PLXNA2: variants seen among roughly 807,000 people sequenced by gnomAD.
PLXNA2 encodes the protein plexin-A2.
Under a neutral mutation model 193.5 loss-of-function variants are expected in PLXNA2, and 91 were observed. The ratio of observed to expected loss-of-function variants is 0.47; its 90% CI spans 0.40 to 0.56. The LOEUF (loss-of-function observed/expected upper bound fraction) is 0.56. Among genes scored for constraint, PLXNA2 ranks in the 20% least tolerant of loss-of-function variants. PLXNA2 has a pLI of 0.00. For synonymous variants in PLXNA2, 997 were observed against 1,027.3 expected, an observed-to-expected ratio of 0.97 and a Z score of 0.56; for missense variants, 1,995 against 2,503.2, an observed-to-expected ratio of 0.80 and a Z score of 4.33.
At chr1:208,193,270 G>C (rs1670245805) in intron 3 of PLXNA2, among the ~76,000 whole-genome samples, 1 of 152,228 alleles carries the variant, frequency 6.6e-6, no homozygotes, top group African/African-American at 2.4e-5. Flanking sequence ...CATGACAAGG[G>C]CATTGGTGTT....
chr1:208,138,789 G>A (rs562515059), intron 4 of PLXNA2, among the ~76,000 whole-genome samples: 23 of 152,348 alleles, frequency 1.5e-4, no homozygotes, highest in African/African-American at 5.3e-4. Context: ...CACTTTGGGA[G>A]GCCAAGGCAG....
chr1:208,112,838 T>TAAA (rs952294205), intron 4 of PLXNA2, among the ~76,000 whole-genome samples: 3 of 151,848 alleles, frequency 2.0e-5, no homozygotes, highest in Admixed American at 1.3e-4. Flanking sequence ...AGGATAGAGG[T>TAAA]AAAACTTGGG....
rs1664322896 is a variant in PLXNA2 at position 208,025,701 on chromosome 1, G to T, written c.*1542C>A. 6.6e-6 allele frequency: 1 copy of T among 152,256 alleles called. No homozygotes were observed. Among genetic ancestry groups the T allele is most frequent in the Admixed American group, 6.5e-5 (1 of 15,276 alleles). 9.4% of individuals were successfully genotyped at this position (152,256 alleles called of 1,614,324 possible). On this transcript the variant is annotated 3_prime_UTR_variant, in exon 32 of 32. Transcript: ENST00000367033. ...CCTTTCCTCTCGATGACTCCCACTG[G>T]CTTCTATGGGGCCTTTGGACCTGGG... is the stretch of plus-strand genomic sequence containing the variant.
intron 4 of PLXNA2, among the ~76,000 whole-genome samples, chr1:208,103,745 C>A (rs1197228864): frequency 6.6e-6 from 1 of 152,250 alleles, no homozygotes; most frequent in African/African-American, 2.4e-5. Context: ...AATATACCAC[C>A]TGGATCCAAT....
chr1:208,236,346 G>A lies in PLXNA2; in HGVS notation c.-81+7297C>T, dbSNP rs555181329. On this transcript the variant is annotated intron_variant, in intron 1 of 31. Coordinates refer to ENST00000367033, the MANE Select transcript of PLXNA2 (RefSeq NM_025179.4). This position sits in a 1 kb window ranked among gnomAD's most constrained non-coding sequence, Gnocchi z 4.4. ...GCCAACGTAATATTTACCCAGCCTAGCCGAGGCCTTTCACTTTTATGAAGC... is the reference window on the plus strand; with the variant it reads ...GCCAACGTAATATTTACCCAGCCTAACCGAGGCCTTTCACTTTTATGAAGC... Among the ~76,000 whole-genome samples, 52 of 152,336 alleles carry A rather than the reference G, an allele frequency of 3.4e-4. No homozygotes were observed. The highest frequency in any genetic ancestry group is 6.8e-3 in the Middle Eastern group (2 of 294).
At chr1:208,132,292 AC>A (rs1279197728) in intron 4 of PLXNA2, among the ~76,000 whole-genome samples, 6 of 152,056 alleles carry the variant, frequency 3.9e-5, no homozygotes, top group African/African-American at 1.4e-4. Context: ...CCGCCTCTGA[AC>A]CCTTTTCCTA....
At chr1:208,235,559 G>T (rs905283828) in intron 1 of PLXNA2, among the ~76,000 whole-genome samples, 1 of 152,206 alleles carries the variant, frequency 6.6e-6, no homozygotes, top group Non-Finnish European at 1.5e-5. Flanking sequence ...CTGCCAGAGC[G>T]TAACTAACCT....
intron 29 of PLXNA2, chr1:208,030,549 T>C: frequency 1.0e-6 from 1 of 985,374 alleles, no homozygotes; most frequent in Non-Finnish European, 1.2e-6. Context: ...TCCACTGTGA[T>C]CAAAGCTGCA....
chr1:208,066,582 A>G (rs1665802326), intron 12 of PLXNA2, among the ~76,000 whole-genome samples: 2 of 152,236 alleles, frequency 1.3e-5, no homozygotes, highest in Admixed American at 6.5e-5. Flanking sequence ...ATACTTGATA[A>G]TGATGCTAAA....
intron 4 of PLXNA2, among the ~76,000 whole-genome samples, chr1:208,112,187 C>G (rs1357805161): frequency 6.6e-6 from 1 of 152,150 alleles, no homozygotes; most frequent in South Asian, 2.1e-4. Flanking sequence ...AGAGGTCCTG[C>G]AGGAGTCAAA....
intron 1 of PLXNA2, among the ~76,000 whole-genome samples, chr1:208,220,047 C>T (rs1671271870): frequency 6.6e-6 from 1 of 152,142 alleles, no homozygotes; most frequent in African/African-American, 2.4e-5. Flanking sequence ...CATTCTCTGC[C>T]CCTGTCGCTG....
intron 4 of PLXNA2, among the ~76,000 whole-genome samples, chr1:208,114,271 C>G (rs1054042833): frequency 2.6e-5 from 4 of 152,180 alleles, no homozygotes; most frequent in African/African-American, 9.7e-5. Flanking sequence ...TCCTTGTTTT[C>G]TAATCTTCCA....
Position 208,038,122 on chromosome 1 carries a change from T to C in PLXNA2, c.4764+249A>G, listed in dbSNP as rs1434455711. Among the ~76,000 whole-genome samples, 3 of 152,200 alleles carry C rather than the reference T, an allele frequency of 2.0e-5. No individual in the cohort carries two copies. Among genetic ancestry groups the C allele is most frequent in the Non-Finnish European group, 4.4e-5 (3 of 68,038 alleles). On this transcript the variant is annotated intron_variant, in intron 26 of 31. Transcript: ENST00000367033. This position sits in a 1 kb window ranked among gnomAD's most constrained non-coding sequence, Gnocchi z 4.1. ...AATGTAGAGGTACACAGAATAGAAA[T>C]GCCTAGGCCTTACCCCAGACCTGTT...
intron 1 of PLXNA2, among the ~76,000 whole-genome samples, chr1:208,231,777 C>T (rs1418836286): frequency 6.6e-6 from 1 of 152,198 alleles, no homozygotes; most frequent in African/African-American, 2.4e-5. Flanking sequence ...AATATTTTGG[C>T]AAAGGCACCA....
At chr1:208,065,370 C>T (rs1337048894) in intron 12 of PLXNA2, among the ~76,000 whole-genome samples, 1 of 152,144 alleles carries the variant, frequency 6.6e-6, no homozygotes. Context: ...AGCTCTGACA[C>T]CTACAAGTTA....
chr1:208,060,604 A>G, intron 13 of PLXNA2, 82 bp downstream of exon 13: 2 of 1,361,224 alleles, frequency 1.5e-6, no homozygotes, highest in Non-Finnish European at 2.0e-6. Context: ...ATCATGGAAA[A>G]GGCCCAGGAA....
intron 4 of PLXNA2, among the ~76,000 whole-genome samples, chr1:208,125,603 T>A (rs1265369220): frequency 6.6e-6 from 1 of 152,208 alleles, no homozygotes; most frequent in African/African-American, 2.4e-5. Context: ...GAAGCCCAAT[T>A]CGAAGCATAT....
At position 208,026,648 on chromosome 1, in the gene PLXNA2, T is replaced by C. The variant is rs1479966218; in HGVS notation, c.*595A>G. On this transcript the variant is annotated 3_prime_UTR_variant, in exon 32 of 32. Coordinates refer to ENST00000367033, the MANE Select transcript of PLXNA2 (RefSeq NM_025179.4). Reference sequence around the variant, plus strand: ...GTGCTCATCATTCTTCTTCTCCTCTTTCTCTTTTTTTTTTTTTTTTTAATT... The same window carrying C: ...GTGCTCATCATTCTTCTTCTCCTCTCTCTCTTTTTTTTTTTTTTTTTAATT... 2 of 76,920 alleles carry C rather than the reference T, an allele frequency of 2.6e-5. No homozygotes were observed. Among genetic ancestry groups the C allele is most frequent in the Non-Finnish European group, 3.8e-5 (1 of 26,466 alleles). The allele number at this position is 76,920 out of a possible 1,614,324, so 4.8% of individuals were successfully genotyped here.
chr1:208,044,657 A>G lies in PLXNA2; in HGVS notation c.3725T>C (p.Ile1242Thr). 6.2e-7 allele frequency: 1 copy of G among 1,614,060 alleles called. No homozygotes were observed. Among genetic ancestry groups the G allele is most frequent in the East Asian group, 2.2e-5 (1 of 44,868 alleles). The change falls in exon 20 of 32, where the codon ATC becomes ACC. Residue 1242 changes from isoleucine to threonine, a missense_variant. This residue lies in a region of PLXNA2 where 1,291 missense variants were observed against 1,673.6 expected (regional missense o/e 0.77). Coordinates refer to ENST00000367033, the MANE Select transcript of PLXNA2 (RefSeq NM_025179.4). The surrounding 1 kb of genome is among the most constrained non-coding windows in gnomAD (Gnocchi z 4.9). ...GAGGAGGAGGCTGCCGCCGGCCGCG[A>G]TGCTGACGATGGCTGGCAGGGTCAG... Reference protein sequence around the residue: ...SLLTLPAIVSIAAGGSLLLII... With the variant: ...SLLTLPAIVSTAAGGSLLLII...
Sources: allele counts gnomAD v4.1 joint callset (sites outside exome capture counted in the v4.1 genomes callset), GRCh38; gene constraint gnomAD v4.1.1; regional missense constraint gnomAD v4.1.1; non-coding constraint Gnocchi (gnomAD v3.1); transcripts MANE v1.5; gene names NCBI Gene and HGNC (gene_info 2026-07-23, HGNC 2026-07-21).